The following RASEF variants were observed in gnomAD, a reference collection of about 807,000 sequenced individuals.
RASEF encodes the protein RAS and EF-hand domain containing.
RASEF carries 68 observed loss-of-function variants against 90.1 expected under a neutral mutation model. The observed-to-expected ratio is 0.75, with a 90% confidence interval of 0.62 to 0.92. The LOEUF (loss-of-function observed/expected upper bound fraction) is 0.92. Ranked by LOEUF, RASEF falls within the 40% of genes least tolerant of loss-of-function variation. The pLI is 0.00. For synonymous variants in RASEF, 331 were observed against 345.2 expected (o/e 0.96, Z 0.46); for missense variants, 949 against 937.2 (o/e 1.01, Z -0.16).
chr9:83,203,114 C>T, the RASEF span, among the ~76,000 whole-genome samples: 11 of 151,968 alleles, frequency 7.2e-5, no homozygotes, highest in South Asian at 2.1e-4. Context: ...AATCAATAGA[C>T]GATCGACAGC....
chr9:83,032,965 C>T (rs1285275944), intron 1 of RASEF, among the ~76,000 whole-genome samples: 8 of 152,128 alleles, frequency 5.3e-5, no homozygotes, highest in Admixed American at 2.6e-4. Context: ...CAGTTAAGTA[C>T]AGACAACTTC....
At chr9:83,195,317 C>G in the RASEF span, among the ~76,000 whole-genome samples, 1 of 152,194 alleles carries the variant, frequency 6.6e-6, no homozygotes, top group African/African-American at 2.4e-5. Flanking sequence ...AGAGTTCTCT[C>G]TCTCCAATAT....
intron 3 of RASEF, among the ~76,000 whole-genome samples, chr9:83,016,878 C>T (rs1829351706): frequency 6.6e-6 from 1 of 152,098 alleles, no homozygotes; most frequent in Non-Finnish European, 1.5e-5. Context: ...TTATCCATGC[C>T]TCCATTTTCT....
intron 15 of RASEF, 32 bp downstream of exon 15, chr9:82,992,874 C>A: frequency 1.2e-6 from 2 of 1,609,084 alleles, no homozygotes; most frequent in Middle Eastern, 1.7e-4. Flanking sequence ...ACCCCATGTT[C>A]TCTTCTAATT....
chr9:83,111,268 G>A, the RASEF span, among the ~76,000 whole-genome samples: 10 of 152,130 alleles, frequency 6.6e-5, no homozygotes, highest in Non-Finnish European at 1.0e-4. Context: ...ACAATGTGCA[G>A]GATTCAGATG....
the RASEF span, among the ~76,000 whole-genome samples, chr9:83,144,391 G>GAAAGGAAGGAAAGAAAGAAA: frequency 2.7e-4 from 9 of 33,236 alleles, no homozygotes; most frequent in East Asian, 2.0e-3. Context: ...AAGAAAGAAA[G>GAAAGGAAGGAAAGAAAGAAA]GAAAGAAAGA....
At chr9:83,157,390 G>A in the RASEF span, among the ~76,000 whole-genome samples, 1 of 152,128 alleles carries the variant, frequency 6.6e-6, no homozygotes, top group African/African-American at 2.4e-5. Context: ...ACTATCACAG[G>A]AGTTGGTTTG....
chr9:83,189,577 T>C, the RASEF span, among the ~76,000 whole-genome samples: 1 of 152,308 alleles, frequency 6.6e-6, no homozygotes, highest in Non-Finnish European at 1.5e-5. Flanking sequence ...AAAGCTGTAA[T>C]CCCAATTCAA....
the RASEF span, among the ~76,000 whole-genome samples, chr9:83,206,281 T>C: frequency 3.3e-5 from 5 of 152,250 alleles, no homozygotes; most frequent in Non-Finnish European, 7.3e-5. Context: ...GGGTTTATTC[T>C]ATGAAAGAAA....
the RASEF span, among the ~76,000 whole-genome samples, chr9:83,088,767 G>A: frequency 2.0e-5 from 3 of 151,754 alleles, no homozygotes; most frequent in Non-Finnish European, 4.4e-5. Flanking sequence ...GTGTTTGCAT[G>A]GTATATCTTT....
the RASEF span, among the ~76,000 whole-genome samples, chr9:83,125,718 C>A: frequency 6.6e-6 from 1 of 152,160 alleles, no homozygotes; most frequent in East Asian, 1.9e-4. Flanking sequence ...GGACCCCAGG[C>A]TCTATAAACA....
chr9:83,038,613 T>G (rs188231201), intron 1 of RASEF, among the ~76,000 whole-genome samples: 12 of 152,126 alleles, frequency 7.9e-5, no homozygotes, highest in African/African-American at 2.7e-4. Context: ...CACATGCACT[T>G]TTTAATATTC....
At chr9:83,059,175 T>C (rs374383604) in intron 1 of RASEF, among the ~76,000 whole-genome samples, 301 of 151,918 alleles carry the variant, frequency 2.0e-3, no homozygotes, top group African/African-American at 7.2e-3. Context: ...TTGCTGCAAA[T>C]GGGAGTTGAG....
At chr9:83,211,802 A>AC in the RASEF span, among the ~76,000 whole-genome samples, 1 of 152,214 alleles carries the variant, frequency 6.6e-6, no homozygotes, top group Non-Finnish European at 1.5e-5. Context: ...CAGATCCAGA[A>AC]AGTAGGACCA....
At position 82,980,333 on chromosome 9, in the gene RASEF, T is replaced by G. The variant is rs1828575576; in HGVS notation, c.*2344A>C. The G allele has an allele frequency of 6.6e-6, 1 of 152,204 alleles. No individual in the cohort carries two copies. The highest frequency in any genetic ancestry group is 1.5e-5 in the Non-Finnish European group (1 of 68,012). The allele number at this position is 152,204 out of a possible 1,614,324, so 9.4% of individuals were successfully genotyped here. On this transcript the variant is annotated 3_prime_UTR_variant, in exon 17 of 17. Transcript: ENST00000376447. ...GGTAATAATCATGAATCTCCCAGCA[T>G]ACAGAGCTTTAAGAAGCTTCTCTTT...
the RASEF span, among the ~76,000 whole-genome samples, chr9:83,149,926 C>T: frequency 6.6e-6 from 1 of 152,248 alleles, no homozygotes; most frequent in East Asian, 1.9e-4. Context: ...ACTACCAGGA[C>T]GTCACTTCAG....
At chr9:83,166,273 C>G in the RASEF span, among the ~76,000 whole-genome samples, 1 of 152,050 alleles carries the variant, frequency 6.6e-6, no homozygotes, top group Non-Finnish European at 1.5e-5. Context: ...AAAATATCAC[C>G]AAACTGGATA....
At chr9:83,044,229 G>A (rs961164758) in intron 1 of RASEF, among the ~76,000 whole-genome samples, 34 of 152,174 alleles carry the variant, frequency 2.2e-4, no homozygotes, top group Non-Finnish European at 4.6e-4. Context: ...AGGAAGGAGT[G>A]AGAAGGAAGG....
At chr9:83,180,631 A>G in the RASEF span, among the ~76,000 whole-genome samples, 1 of 152,134 alleles carries the variant, frequency 6.6e-6, no homozygotes, top group Non-Finnish European at 1.5e-5. Context: ...GCTAGCATTT[A>G]TTGTATTACT....
Sources: allele counts gnomAD v4.1 joint callset (sites outside exome capture counted in the v4.1 genomes callset), GRCh38; gene constraint gnomAD v4.1.1; transcripts MANE v1.5; gene names NCBI Gene and HGNC (gene_info 2026-07-23, HGNC 2026-07-21).